Variants in B4GALT4 observed in about 807,000 individuals in gnomAD.
B4GALT4 encodes the protein N-acetyllactosamine synthase.
A neutral mutation model predicts 37.3 loss-of-function variants in B4GALT4; 27 were observed. That is an observed-to-expected ratio of 0.72 (90% CI 0.53 to 1.00). The LOEUF (loss-of-function observed/expected upper bound fraction) is 1.00, where lower values mean the gene tolerates loss of function less well. B4GALT4 is among the 50% of genes least tolerant of loss of function. The pLI, the probability that B4GALT4 is intolerant of heterozygous loss-of-function variation, is 0.00. For missense variants in B4GALT4, 372 were observed against 413.1 expected (o/e 0.90, Z 0.86); for synonymous variants, 148 against 154.1 (o/e 0.96, Z 0.29).
rs1260075694 is a variant in B4GALT4 at position 119,230,065 on chromosome 3, T to G, written c.35A>C (p.Lys12Thr). The change falls in exon 3 of 8, where the codon AAA becomes ACA. Residue 12 changes from lysine (K) to threonine (T), a missense_variant. By Grantham distance (78) the Lys-to-Thr change is moderately conservative (BLOSUM62 -1). Coordinates refer to ENST00000393765, the MANE Select transcript of B4GALT4 (RefSeq NM_003778.4). ...AGTCAACAGCAACAGTAATCGGAATTTGTAGGAAAGGTGGAAAGTCAGGTT... is the reference window on the plus strand; with the variant it reads ...AGTCAACAGCAACAGTAATCGGAATGTGTAGGAAAGGTGGAAAGTCAGGTT... ...GFNLTFHLSYKFRLLLLLTLC... is the reference protein window; with the variant it reads ...GFNLTFHLSYTFRLLLLLTLC... 2 of 1,614,026 alleles carry G rather than the reference T, an allele frequency of 1.2e-6. No homozygotes were observed. Among genetic ancestry groups the G allele is most frequent in the Non-Finnish European group, 1.7e-6 (2 of 1,180,028 alleles).
chr3:119,227,756 T>C (rs767565023), intron 3 of B4GALT4, among the ~76,000 whole-genome samples: 2 of 152,222 alleles, frequency 1.3e-5, no homozygotes, highest in Non-Finnish European at 2.9e-5. Flanking sequence ...ATTCCACGTA[T>C]ACTGGTCAGG....
intron 2 of B4GALT4, chr3:119,236,120 G>GT (rs1269434204): frequency 2.6e-5 from 4 of 152,228 alleles, no homozygotes; most frequent in Admixed American, 2.0e-4. Flanking sequence ...GGGAAAGACA[G>GT]TAACTTTGTA....
chr3:119,216,412 T>C, intron 6 of B4GALT4, 68 bp from the exon 7 acceptor site: 5 of 1,244,940 alleles, frequency 4.0e-6, no homozygotes, highest in South Asian at 1.4e-5. Flanking sequence ...ATAAAAAGCA[T>C]CATTTGCGAA....
chr3:119,216,279 A>G lies in B4GALT4; in HGVS notation c.863T>C (p.Phe288Ser). The G allele has an allele frequency of 6.2e-7, 1 of 1,613,856 alleles. No individual in the cohort carries two copies. The change falls in exon 7 of 8, where the codon TTC becomes TCC. Residue 288 changes from phenylalanine to serine, a missense_variant. Physicochemically the swap from Phe to Ser is radical, Grantham distance 155. Transcript: ENST00000393765. Reference sequence around the variant, plus strand: ...CTCATTGCCTTTGTCTCTAGTGTGGAAGACCATTGTATATTTACCCACTTC... The same window carrying G: ...CTCATTGCCTTTGTCTCTAGTGTGGGAGACCATTGTATATTTACCCACTTC... ...LPEVGKYTMVFHTRDKGNEVN... is the reference protein window; with the variant it reads ...LPEVGKYTMVSHTRDKGNEVN...
rs2078181040 is a variant in B4GALT4 at position 119,212,326 on chromosome 3, A to T, written c.*223T>A. ...AAGTCCTTCAAGTATCCATATTACAATATTTAACCCTCATGATCAAAATGA... is the reference window on the plus strand; with the variant it reads ...AAGTCCTTCAAGTATCCATATTACATTATTTAACCCTCATGATCAAAATGA... On this transcript the variant is annotated 3_prime_UTR_variant, in exon 8 of 8. Transcript: ENST00000393765. The T allele has an allele frequency of 3.0e-6, 2 of 666,234 alleles. No homozygotes were observed. The highest frequency in any genetic ancestry group is 3.6e-5 in the African/African-American group (2 of 55,698). The allele number at this position is 666,234 out of a possible 1,614,324, so 41.3% of individuals were successfully genotyped here.
At chr3:119,226,124 A>G (rs1576913619) in intron 4 of B4GALT4, among the ~76,000 whole-genome samples, 1 of 125,870 alleles carries the variant, frequency 7.9e-6, no homozygotes, top group South Asian at 2.7e-4. Flanking sequence ...TTAGACACTG[A>G]TGTTTAAACT....
At chr3:119,232,588 C>T (rs1179420438) in intron 2 of B4GALT4, 1 of 152,308 alleles carries the variant, frequency 6.6e-6, no homozygotes, top group Non-Finnish European at 1.5e-5. Context: ...CTCTCTCCCA[C>T]ATCTGCCTTC....
At chr3:119,223,535 C>T (rs1175287492) in intron 5 of B4GALT4, among the ~76,000 whole-genome samples, 2 of 152,162 alleles carry the variant, frequency 1.3e-5, no homozygotes, top group Admixed American at 6.5e-5. Flanking sequence ...TGGCACTTCT[C>T]ACAGTGGCTT....
At chr3:119,226,567 A>G in intron 4 of B4GALT4, 1 of 505,688 alleles carries the variant, frequency 2.0e-6, no homozygotes, top group Admixed American at 3.4e-5. Flanking sequence ...AAGGGCTCAC[A>G]AAACAGGCTT....
intron 5 of B4GALT4, among the ~76,000 whole-genome samples, chr3:119,221,982 G>A (rs1054320408): frequency 6.6e-6 from 1 of 152,180 alleles, no homozygotes; most frequent in African/African-American, 2.4e-5. Context: ...TGACACCAAA[G>A]CATGAGTGAA....
In B4GALT4 at chr3:119,239,470, A is replaced by C. The variant is rs372297221; in HGVS notation, c.-364+1380T>G. ...GATTTGCTTTGGATGTTTCCACTGA[A>C]TAAAAGATCTTCAAAGAGAAGGTTA... On this transcript the variant is annotated intron_variant, in intron 1 of 7. Coordinates refer to ENST00000393765, the MANE Select transcript of B4GALT4 (RefSeq NM_003778.4). 2.7e-4 allele frequency among the ~76,000 whole-genome samples: 41 copies of C among 152,346 alleles called. No homozygotes were observed. The East Asian group carries it at 4.4e-3, about 16-fold the overall frequency.
rs1559930537 is a variant in B4GALT4, at chr3:119,229,959, G to GA, written c.140dup (p.Met48HisfsTer3). On this transcript the variant is annotated frameshift_variant, in exon 3 of 8. Coordinates refer to ENST00000393765, the MANE Select transcript of B4GALT4 (RefSeq NM_003778.4). LOFTEE classifies it high-confidence loss of function. Reference sequence around the variant, plus strand: ...TGAGGGTCTTATGGAAATTAGCCATGAACTCCTTTGCTTTAGGAATCTCTT... The same window carrying GA: ...TGAGGGTCTTATGGAAATTAGCCATGAAACTCCTTTGCTTTAGGAATCTCTT... 6.2e-7 allele frequency: 1 copy of GA among 1,614,150 alleles called. No individual in the cohort carries two copies. Among genetic ancestry groups the GA allele is most frequent in the Non-Finnish European group, 8.5e-7 (1 of 1,180,038 alleles).
At position 119,218,721 on chromosome 3, in the gene B4GALT4, C is replaced by T; in HGVS notation, c.726G>A (p.Gln242=). 1 of 1,614,216 alleles carries T rather than the reference C, an allele frequency of 6.2e-7. No homozygotes were observed. Among genetic ancestry groups the T allele is most frequent in the Non-Finnish European group, 8.5e-7 (1 of 1,180,034 alleles). The part of the protein sequence containing the change: ...FGGVTALSRE[Q]FFKVNGFSNN... ...TAGAGAATCCATTCACCTTGAAAAA[C>T]TGCTCTCTGCTTAGGGCAGTAACAC... Residue 242 remains glutamine, a synonymous_variant, in exon 6 of 8, where the codon CAG becomes CAA. Coordinates refer to ENST00000393765, the MANE Select transcript of B4GALT4 (RefSeq NM_003778.4).
intron 4 of B4GALT4, 62 bp downstream of exon 4, chr3:119,226,747 T>C: frequency 4.9e-6 from 7 of 1,423,446 alleles, no homozygotes; most frequent in Admixed American, 1.9e-5. Context: ...AACAGTCACA[T>C]GGCCAAGTCT....
chr3:119,215,214 C>T (rs999331789), intron 7 of B4GALT4: 1 of 152,174 alleles, frequency 6.6e-6, no homozygotes, highest in Non-Finnish European at 1.5e-5. Flanking sequence ...TGGGCACCAT[C>T]TAATCAACTG....
At chr3:119,236,193 A>G (rs2078980447) in intron 2 of B4GALT4, 1 of 152,220 alleles carries the variant, frequency 6.6e-6, no homozygotes, top group African/African-American at 2.4e-5. Flanking sequence ...GTACTCTTCG[A>G]AGAATCAAAA....
At chr3:119,223,328 G>C (rs2078502319) in intron 5 of B4GALT4, among the ~76,000 whole-genome samples, 1 of 152,226 alleles carries the variant, frequency 6.6e-6, no homozygotes, top group Admixed American at 6.5e-5. Context: ...TGAACAGCAG[G>C]GCCTGGGGAA....
At chr3:119,221,035 T>G (rs1482160976) in intron 5 of B4GALT4, among the ~76,000 whole-genome samples, 2 of 151,982 alleles carry the variant, frequency 1.3e-5, no homozygotes, top group African/African-American at 4.8e-5. Flanking sequence ...AGATGACAAC[T>G]ATCTCTGTGT....
At chr3:119,224,280 T>C in intron 4 of B4GALT4, 35 bp from the exon 5 acceptor site, 2 of 1,516,762 alleles carry the variant, frequency 1.3e-6, no homozygotes, top group Non-Finnish European at 8.9e-7. Context: ...GAAAAGCTCC[T>C]GAGATAAAGT....
Sources: allele counts gnomAD v4.1 joint callset (sites outside exome capture counted in the v4.1 genomes callset), GRCh38; gene constraint gnomAD v4.1.1; transcripts MANE v1.5; gene names NCBI Gene and HGNC (gene_info 2026-07-23, HGNC 2026-07-21).